CSMD3: variants seen among roughly 807,000 people sequenced by gnomAD.
CSMD3 encodes the protein CUB and Sushi multiple domains 3, also known as CUB and sushi domain-containing protein 3.
A neutral mutation model predicts 435.2 loss-of-function variants in CSMD3; 177 were observed. The ratio of observed to expected loss-of-function variants is 0.41; its 90% confidence interval spans 0.36 to 0.46. The LOEUF is 0.46. CSMD3 is among the 20% of genes least tolerant of loss of function. The pLI, the probability that CSMD3 is intolerant of heterozygous loss-of-function variation, is 0.34. For synonymous variants in CSMD3, 1,656 were observed against 1,520.5 expected (o/e 1.09, Z -2.07); for missense variants, 4,265 against 4,504.6 (o/e 0.95, Z 1.52).
chr8:112,243,909 G>C (rs1235822674), intron 65 of CSMD3, among the ~76,000 whole-genome samples: 1 of 152,012 alleles, frequency 6.6e-6, no homozygotes, highest in Admixed American at 6.6e-5. Flanking sequence ...ATTGAAATGG[G>C]GTAGAAATTG....
At chr8:112,294,090 G>GC (rs1267214997) in intron 54 of CSMD3, among the ~76,000 whole-genome samples, 2 of 151,804 alleles carry the variant, frequency 1.3e-5, no homozygotes, top group Admixed American at 6.6e-5. Flanking sequence ...AATTTGCTTG[G>GC]GGGGGGTGTA....
Position 112,518,574 on chromosome 8 carries a change from T to C in CSMD3, c.4565-1349A>G, listed in dbSNP as rs375081725. ...TCAAAGAATCTGAGGAATTATAGTC[T>C]TCCACTATGGATAGAGATCTTTTAT... is the stretch of plus-strand genomic sequence containing the variant. On this transcript the variant is annotated intron_variant, in intron 27 of 70. Transcript: ENST00000297405. Among the ~76,000 whole-genome samples the C allele has an allele frequency of 1.1e-4, 16 of 151,882 alleles. 1 individual carries two copies. The highest frequency in any genetic ancestry group is 3.9e-4 in the African/African-American group (16 of 41,416).
At chr8:112,613,398 T>C (rs1021665845) in intron 22 of CSMD3, among the ~76,000 whole-genome samples, 4 of 152,200 alleles carry the variant, frequency 2.6e-5, no homozygotes, top group Admixed American at 1.3e-4. Context: ...AGTTTTATTT[T>C]ATATTAATTT....
chr8:112,984,775 C>A (rs886819046), intron 6 of CSMD3, among the ~76,000 whole-genome samples: 12 of 152,192 alleles, frequency 7.9e-5, no homozygotes, highest in Non-Finnish European at 1.6e-4. Context: ...ATCTTGTATT[C>A]ATTCCAAAAA....
intron 6 of CSMD3, among the ~76,000 whole-genome samples, chr8:112,997,263 A>G (rs1448770022): frequency 6.6e-6 from 1 of 151,728 alleles, no homozygotes; most frequent in Admixed American, 6.6e-5. Flanking sequence ...CCAGCTTTTC[A>G]GTAAACTTTT....
At chr8:112,419,965 A>T (rs911491028) in intron 32 of CSMD3, among the ~76,000 whole-genome samples, 3 of 152,196 alleles carry the variant, frequency 2.0e-5, no homozygotes, top group African/African-American at 7.2e-5. Flanking sequence ...AAAGTGTTCA[A>T]ATATGTTATT....
At position 113,076,605 on chromosome 8, in the gene CSMD3, A is replaced by G. The variant is rs2089347862; in HGVS notation, c.917+22151T>C. Among the ~76,000 whole-genome samples the G allele has an allele frequency of 5.3e-5, 8 of 152,240 alleles. No homozygotes were observed. In the South Asian group the frequency reaches 1.5e-3, roughly 28 times the overall value. ...AATTTAGACATAGAGCTATCACATT[A>G]TACATATTAGAATGCTTTTTCTTCA... On this transcript the variant is annotated intron_variant, in intron 5 of 70. Transcript: ENST00000297405.
intron 10 of CSMD3, among the ~76,000 whole-genome samples, chr8:112,868,799 T>G (rs2081055041): frequency 6.6e-6 from 1 of 152,124 alleles, no homozygotes; most frequent in East Asian, 1.9e-4. Flanking sequence ...TTGAGAAAAT[T>G]GAATATCCAC....
Position 112,741,439 on chromosome 8 carries a change from AAAAC to A in CSMD3, c.1973-51393_1973-51390del, listed in dbSNP as rs1341238473. On this transcript the variant is annotated intron_variant, in intron 13 of 70. Transcript: ENST00000297405. ...ATTATAGTAATTATAAAAACAAAAGAAAACAAACAAAGAAAGTAAAAGATAACAA... is the reference window on the plus strand; with the variant it reads ...ATTATAGTAATTATAAAAACAAAAGAAAACAAAGAAAGTAAAAGATAACAA... 2.6e-5 allele frequency among the ~76,000 whole-genome samples: 4 copies of A among 152,040 alleles called. No homozygotes were observed. The East Asian group carries it at 5.8e-4, about 22-fold the overall frequency.
At chr8:112,289,662 T>C in intron 56 of CSMD3, 124 bp from the exon 57 acceptor site, 1 of 640,500 alleles carries the variant, frequency 1.6e-6, no homozygotes, top group Non-Finnish European at 2.6e-6. Context: ...CCTCCAGAAA[T>C]CAAACATCTA....
intron 11 of CSMD3, among the ~76,000 whole-genome samples, chr8:112,854,816 A>AATTTTG (rs879835842): frequency 3.3e-5 from 5 of 152,114 alleles, no homozygotes; most frequent in Non-Finnish European, 7.4e-5. Flanking sequence ...CAAAAACTTC[A>AATTTTG]CCTGAGGCAA....
At chr8:112,565,051 C>A (rs1299621719) in intron 24 of CSMD3, among the ~76,000 whole-genome samples, 1 of 151,866 alleles carries the variant, frequency 6.6e-6, no homozygotes, top group Non-Finnish European at 1.5e-5. Context: ...AATAATGATA[C>A]TTTTATTATT....
intron 13 of CSMD3, among the ~76,000 whole-genome samples, chr8:112,694,884 A>G (rs2131846006): frequency 6.6e-6 from 1 of 152,278 alleles, no homozygotes; most frequent in South Asian, 2.1e-4. Flanking sequence ...GTGTGAGCGA[A>G]GCAGAAGACG....
At chr8:112,241,201 G>A (rs1197736293) in intron 66 of CSMD3, among the ~76,000 whole-genome samples, 1 of 151,828 alleles carries the variant, frequency 6.6e-6, no homozygotes. Flanking sequence ...TTTTTCCAAG[G>A]TCACAAGTCA....
chr8:113,257,974 A>G (rs1228897411), intron 3 of CSMD3, among the ~76,000 whole-genome samples: 1 of 152,232 alleles, frequency 6.6e-6, no homozygotes, highest in African/African-American at 2.4e-5. Flanking sequence ...GAAAACTCTG[A>G]ATGCAGCTGG....
intron 11 of CSMD3, among the ~76,000 whole-genome samples, chr8:112,857,729 T>TA (rs35387311): frequency 0.2 from 30,589 of 151,506 alleles, 3,878 homozygotes; most frequent in Non-Finnish European, 0.29. Flanking sequence ...ATGAGAGACT[T>TA]ACAAGGATTA....
At chr8:112,591,762 G>C (rs1333163685) in intron 22 of CSMD3, among the ~76,000 whole-genome samples, 1 of 151,906 alleles carries the variant, frequency 6.6e-6, no homozygotes, top group Non-Finnish European at 1.5e-5. Flanking sequence ...ACATGATTTT[G>C]CTCATAGAGG....
At chr8:113,176,996 A>G (rs959104303) in intron 3 of CSMD3, among the ~76,000 whole-genome samples, 1 of 151,692 alleles carries the variant, frequency 6.6e-6, no homozygotes, top group Non-Finnish European at 1.5e-5. Flanking sequence ...TATATGTTGT[A>G]AGTATTTACA....
At position 113,212,491 on chromosome 8, in the gene CSMD3, C is replaced by T. The variant is rs532601855; in HGVS notation, c.515-38575G>A. Among the ~76,000 whole-genome samples, 7 of 152,236 alleles carry T rather than the reference C, an allele frequency of 4.6e-5. No individual in the cohort carries two copies. The East Asian group carries it at 1.2e-3, about 25-fold the overall frequency. On this transcript the variant is annotated intron_variant, in intron 3 of 70. Coordinates refer to ENST00000297405, the MANE Select transcript of CSMD3 (RefSeq NM_198123.2). ...TACAGACTGGATACATACTGAACTA[C>T]AGCTTTTCTTTCATGCTATATTAAA... is the stretch of plus-strand genomic sequence containing the variant.
Sources: allele counts gnomAD v4.1 joint callset (sites outside exome capture counted in the v4.1 genomes callset), GRCh38; gene constraint gnomAD v4.1.1; transcripts MANE v1.5; gene names NCBI Gene and HGNC (gene_info 2026-07-23, HGNC 2026-07-21).